The following SNX29 variants were observed in gnomAD, a reference collection of about 807,000 sequenced individuals.
The protein encoded by SNX29 is sorting nexin-29.
A neutral mutation model predicts 102.1 loss-of-function variants in SNX29; 78 were observed. The observed-to-expected ratio is 0.76, with a 90% CI of 0.64 to 0.92. SNX29 has a LOEUF of 0.92. Ranked by LOEUF, SNX29 falls within the 40% of genes least tolerant of loss-of-function variation. The probability of loss-of-function intolerance (pLI) is 0.00; values close to 1 mark genes in which losing one functional copy is unlikely to be tolerated. For missense variants in SNX29, 1,280 were observed against 1,061.7 expected (o/e 1.21, Z -2.86); for synonymous variants, 580 against 414.5 (o/e 1.40, Z -4.85).
At chr16:12,365,326 TTGTGTGTGTGTGTGTG>T (rs58869867) in intron 16 of SNX29, among the ~76,000 whole-genome samples, 3 of 139,774 alleles carry the variant, frequency 2.1e-5, no homozygotes, top group Non-Finnish European at 3.1e-5. Context: ...ACATCAGGAT[TTGTGTGTGTGTGTGTG>T]TGTGTGTGTG....
intron 14 of SNX29, among the ~76,000 whole-genome samples, chr16:12,203,635 G>A (rs1479090203): frequency 6.6e-6 from 1 of 152,232 alleles, no homozygotes; most frequent in Non-Finnish European, 1.5e-5. Context: ...GTGGCTGCAT[G>A]TTCAGCTGGG....
At chr16:12,308,236 G>T (rs1049272582) in intron 15 of SNX29, among the ~76,000 whole-genome samples, 9 of 152,210 alleles carry the variant, frequency 5.9e-5, no homozygotes, top group African/African-American at 2.2e-4. Context: ...CTGCTCATCT[G>T]TCCCCACCAG....
intron 14 of SNX29, among the ~76,000 whole-genome samples, chr16:12,242,475 C>G (rs1339732321): frequency 2.7e-5 from 4 of 150,872 alleles, no homozygotes; most frequent in Admixed American, 1.3e-4. Context: ...GTGGCCATCT[C>G]TGTCTGTGAG....
intron 14 of SNX29, among the ~76,000 whole-genome samples, chr16:12,203,391 T>C (rs977018977): frequency 2.0e-5 from 3 of 152,032 alleles, no homozygotes; most frequent in South Asian, 2.1e-4. Flanking sequence ...TGAAGTTGTA[T>C]AGTGTGGCCC....
intron 18 of SNX29, among the ~76,000 whole-genome samples, chr16:12,414,777 A>G (rs1269437154): frequency 6.6e-6 from 1 of 152,190 alleles, no homozygotes; most frequent in Non-Finnish European, 1.5e-5. Context: ...GCTGGAGTGG[A>G]GTGGCACACT....
At chr16:12,147,371 G>C (rs1317113782) in intron 13 of SNX29, among the ~76,000 whole-genome samples, 2 of 152,214 alleles carry the variant, frequency 1.3e-5, no homozygotes, top group Non-Finnish European at 2.9e-5. Context: ...CCATAAATAT[G>C]ACAGAACTCT....
At chr16:12,408,021 G>A (rs1046288300) in intron 18 of SNX29, among the ~76,000 whole-genome samples, 2 of 152,150 alleles carry the variant, frequency 1.3e-5, no homozygotes, top group Non-Finnish European at 2.9e-5. Context: ...AACTGGGCAT[G>A]GTGGTGCATA....
At chr16:12,499,355 G>C (rs888821978) in intron 19 of SNX29, among the ~76,000 whole-genome samples, 3 of 152,340 alleles carry the variant, frequency 2.0e-5, no homozygotes, top group South Asian at 4.1e-4. Flanking sequence ...TCACTGCTAA[G>C]TTCCAGGTGA....
At chr16:12,474,126 G>A (rs986127061) in intron 18 of SNX29, among the ~76,000 whole-genome samples, 7 of 152,116 alleles carry the variant, frequency 4.6e-5, no homozygotes, top group African/African-American at 1.4e-4. Flanking sequence ...GCAGGTAGCC[G>A]TGGGTTCAAA....
At chr16:12,508,816 C>A (rs922280889) in intron 19 of SNX29, among the ~76,000 whole-genome samples, 1 of 152,178 alleles carries the variant, frequency 6.6e-6, no homozygotes, top group Non-Finnish European at 1.5e-5. Context: ...ACCTGTTCCT[C>A]CCCAGCCATG....
chr16:12,063,807 C>T (rs1237941996), intron 9 of SNX29, among the ~76,000 whole-genome samples: 1 of 151,798 alleles, frequency 6.6e-6, no homozygotes, highest in Non-Finnish European at 1.5e-5. Context: ...CTAAAAGTGA[C>T]AATCTCGTAG....
At chr16:12,268,178 G>C (rs1457689847) in intron 14 of SNX29, among the ~76,000 whole-genome samples, 1 of 152,122 alleles carries the variant, frequency 6.6e-6, no homozygotes, top group African/African-American at 2.4e-5. Context: ...ACTTCCTCTA[G>C]CCCTTCCTCT....
intron 19 of SNX29, among the ~76,000 whole-genome samples, chr16:12,486,772 C>A (rs897152147): frequency 6.6e-6 from 1 of 152,198 alleles, no homozygotes; most frequent in Non-Finnish European, 1.5e-5. Context: ...GATGGCCTGT[C>A]TCTCCGCCCA....
chr16:12,572,299 C>G lies in SNX29; in HGVS notation c.*3670C>G, dbSNP rs1011872849. On this transcript the variant is annotated 3_prime_UTR_variant, in exon 21 of 21. Coordinates refer to ENST00000566228, the MANE Select transcript of SNX29 (RefSeq NM_032167.5). The stretch of plus-strand genomic sequence containing the variant: ...ACTAACAAGTACTGGGGCCAGTGAT[C>G]ACAATCCAGGTTGGAAACAGGAGTG... 3 of 920,544 alleles carry G rather than the reference C, an allele frequency of 3.3e-6. No homozygotes were observed. The highest frequency in any genetic ancestry group is 5.8e-5 in the South Asian group (1 of 17,296). 57.0% of individuals were successfully genotyped at this position (920,544 alleles called of 1,614,324 possible).
At chr16:12,424,943 A>G (rs1337929261) in intron 18 of SNX29, among the ~76,000 whole-genome samples, 1 of 152,244 alleles carries the variant, frequency 6.6e-6, no homozygotes, top group Non-Finnish European at 1.5e-5. Flanking sequence ...ATGCCCGTCC[A>G]TAGACAAATG....
At chr16:12,534,552 A>C (rs182386) in intron 20 of SNX29, among the ~76,000 whole-genome samples, 46,587 of 152,060 alleles carry the variant, frequency 0.31, 7,291 homozygotes, top group East Asian at 0.42. Context: ...AGTTCAGGGA[A>C]ATTGGTCACA....
chr16:12,070,862 A>T (rs1385805566), intron 10 of SNX29, among the ~76,000 whole-genome samples: 1 of 152,200 alleles, frequency 6.6e-6, no homozygotes, highest in Non-Finnish European at 1.5e-5. Flanking sequence ...AATGATTGCC[A>T]TTCTAACTGG....
intron 18 of SNX29, among the ~76,000 whole-genome samples, chr16:12,431,110 C>T (rs147553768): frequency 0.013 from 1,963 of 152,272 alleles, 53 homozygotes; most frequent in African/African-American, 0.045. Context: ...CCTCGGCCTC[C>T]CAAAGTGCTG....
chr16:11,979,223 G>A (rs1182311595), intron 1 of SNX29, among the ~76,000 whole-genome samples: 3 of 121,810 alleles, frequency 2.5e-5, no homozygotes, highest in African/African-American at 6.2e-5. Context: ...TGCAGTGAGC[G>A]GTGATCATGC....
Sources: allele counts gnomAD v4.1 joint callset (sites outside exome capture counted in the v4.1 genomes callset), GRCh38; gene constraint gnomAD v4.1.1; transcripts MANE v1.5; gene names NCBI Gene and HGNC (gene_info 2026-07-23, HGNC 2026-07-21).